Variants in TINAG observed in about 807,000 individuals in gnomAD.
TINAG encodes the protein tubulointerstitial nephritis antigen.
In TINAG, 83 loss-of-function variants were observed where a neutral mutation model predicts 72.7. The observed-to-expected ratio is 1.14, with a 90% CI of 0.96 to 1.37. The LOEUF is 1.37. Among genes scored for constraint, TINAG ranks in the 40% most tolerant of loss-of-function variants. TINAG has a pLI of 0.00. For missense variants in TINAG, 685 were observed against 576.6 expected, an observed-to-expected ratio of 1.19 and a Z score of -1.93; for synonymous variants, 234 against 189.9, an observed-to-expected ratio of 1.23 and a Z score of -1.91.
intron 9 of TINAG, among the ~76,000 whole-genome samples, chr6:54,372,237 C>T (rs901780213): frequency 6.6e-6 from 1 of 151,856 alleles, no homozygotes; most frequent in Non-Finnish European, 1.5e-5. Flanking sequence ...GGTGATCTGC[C>T]TACCTTGGCC....
intron 9 of TINAG, among the ~76,000 whole-genome samples, chr6:54,372,727 C>CACATATATAT (rs1367446304): frequency 2.2e-5 from 3 of 133,952 alleles, no homozygotes; most frequent in Admixed American, 8.9e-5. Context: ...TAAATACATA[C>CACATATATAT]ATATATATAT....
chr6:54,369,246 C>A (rs910554125), intron 9 of TINAG, among the ~76,000 whole-genome samples: 1 of 151,778 alleles, frequency 6.6e-6, no homozygotes, highest in Non-Finnish European at 1.5e-5. Flanking sequence ...TAGAAAATCA[C>A]TTTTTGCTTG....
At chr6:54,343,396 C>A (rs755844502) in intron 5 of TINAG, 47 bp downstream of exon 5, 3 of 1,385,112 alleles carry the variant, frequency 2.2e-6, no homozygotes, top group Non-Finnish European at 1.9e-6. Context: ...CTCCTTTTGG[C>A]TCTAGAGACT....
chr6:54,315,509 A>G, intron 1 of TINAG, among the ~76,000 whole-genome samples: 1 of 151,772 alleles, frequency 6.6e-6, no homozygotes, highest in East Asian at 1.9e-4. Context: ...CCCCACCAAC[A>G]ACAATAAAAA....
intron 1 of TINAG, among the ~76,000 whole-genome samples, chr6:54,319,077 C>G (rs1186791027): frequency 6.6e-6 from 1 of 151,950 alleles, no homozygotes. Flanking sequence ...GTATTAAGGT[C>G]TTTTTCCTTA....
intron 1 of TINAG, among the ~76,000 whole-genome samples, chr6:54,311,518 G>A (rs780051798): frequency 2.6e-5 from 4 of 152,172 alleles, no homozygotes; most frequent in Admixed American, 6.5e-5. Flanking sequence ...ACGGGGACAC[G>A]TCTCTAACAA....
intron 1 of TINAG, among the ~76,000 whole-genome samples, chr6:54,313,086 G>A (rs371748041): frequency 4.6e-5 from 7 of 152,062 alleles, no homozygotes; most frequent in South Asian, 4.2e-4. Context: ...TATTTTCATC[G>A]AAAAATAGAA....
intron 9 of TINAG, among the ~76,000 whole-genome samples, chr6:54,370,474 T>C (rs1763569841): frequency 6.6e-6 from 1 of 152,112 alleles, no homozygotes; most frequent in Non-Finnish European, 1.5e-5. Flanking sequence ...AATTATTTCA[T>C]TTATTTATAT....
rs539703569 is a variant in TINAG at position 54,310,173 on chromosome 6, C to T, written c.355+1268C>T. ...TCATGGCTCACTGCAGCCTCTAACT[C>T]CTGAGCTCAAACAATCCTCCTCCCT... On this transcript the variant is annotated intron_variant, in intron 1 of 10. Coordinates refer to ENST00000259782, the MANE Select transcript of TINAG (RefSeq NM_014464.4). Among the ~76,000 whole-genome samples the T allele has an allele frequency of 2.0e-5, 3 of 151,480 alleles. No homozygotes were observed. The East Asian group carries it at 5.9e-4, about 30-fold the overall frequency.
chr6:54,386,403 C>T (rs947399349), intron 10 of TINAG, among the ~76,000 whole-genome samples: 51 of 152,044 alleles, frequency 3.4e-4, no homozygotes, highest in African/African-American at 1.2e-3. Flanking sequence ...AGTTGTGTTC[C>T]TTTCTGGAGC....
chr6:54,319,012 G>A (rs969221418), intron 1 of TINAG, among the ~76,000 whole-genome samples: 7 of 151,938 alleles, frequency 4.6e-5, no homozygotes, highest in East Asian at 1.9e-4. Flanking sequence ...TGGTAATGGC[G>A]GTCCCCTGAC....
At chr6:54,372,137 A>C (rs1425333420) in intron 9 of TINAG, among the ~76,000 whole-genome samples, 3 of 151,564 alleles carry the variant, frequency 2.0e-5, no homozygotes, top group Non-Finnish European at 4.4e-5. Context: ...GATTGCAGAC[A>C]CCTGCCACCA....
chr6:54,357,681 A>C (rs1763096426), intron 9 of TINAG, among the ~76,000 whole-genome samples: 2 of 151,804 alleles, frequency 1.3e-5, no homozygotes, highest in African/African-American at 4.8e-5. Flanking sequence ...TATATCCAGA[A>C]CTCAACCACT....
chr6:54,351,436 C>G (rs1332853478), intron 8 of TINAG, 39 bp downstream of exon 8: 2 of 1,580,528 alleles, frequency 1.3e-6, no homozygotes, highest in East Asian at 2.3e-5. Flanking sequence ...TTACTCATTC[C>G]TTTAATAAAC....
intron 4 of TINAG, among the ~76,000 whole-genome samples, chr6:54,333,404 G>A (rs1784788371): frequency 6.6e-6 from 1 of 152,044 alleles, no homozygotes; most frequent in Non-Finnish European, 1.5e-5. Context: ...ACTCATAAGT[G>A]GGAGTTGAAC....
chr6:54,357,834 G>A (rs76270550), intron 9 of TINAG, among the ~76,000 whole-genome samples: 2,398 of 151,978 alleles, frequency 0.016, 30 homozygotes, highest in Non-Finnish European at 0.023. Flanking sequence ...AGAAAACAGG[G>A]TTTTCCTTTT....
At chr6:54,361,544 T>C (rs938921067) in intron 9 of TINAG, among the ~76,000 whole-genome samples, 1 of 151,700 alleles carries the variant, frequency 6.6e-6, no homozygotes, top group African/African-American at 2.4e-5. Context: ...TCCACTCCTA[T>C]GATCCAGTCA....
Position 54,347,625 on chromosome 6 carries a change from T to C in TINAG, c.899+108T>C, listed in dbSNP as rs981628508. 8.2e-6 allele frequency: 9 copies of C among 1,099,338 alleles called. No individual in the cohort carries two copies. The African/African-American group carries it at 1.4e-4, about 17-fold the overall frequency. 68.1% of individuals were successfully genotyped at this position (1,099,338 alleles called of 1,614,324 possible). A position where few individuals can be genotyped will look rare whatever the true frequency, so the allele number is the denominator to read the frequency against. On this transcript the variant is annotated intron_variant, in intron 6 of 10. Coordinates refer to ENST00000259782, the MANE Select transcript of TINAG (RefSeq NM_014464.4). ...TTACAAAAAAGTACTTAAAAATATA[T>C]ATACTACATCTACATGAATATAAAT...
chr6:54,352,225 A>G (rs1785282814), intron 8 of TINAG, among the ~76,000 whole-genome samples: 3 of 152,000 alleles, frequency 2.0e-5, no homozygotes, highest in Admixed American at 6.6e-5. Context: ...AATGTAAAAC[A>G]TTTGGTACAC....
Sources: gnomAD v4.1 joint callset for allele counts (sites outside exome capture counted in the v4.1 genomes callset) on GRCh38, gnomAD v4.1.1 for gene constraint, MANE v1.5 for transcripts, NCBI Gene and HGNC (gene_info 2026-07-23, HGNC 2026-07-21) for gene names.